The following MGA variants were observed in gnomAD, a reference collection of about 807,000 sequenced individuals.
MGA encodes the protein MAX dimerization protein MGA, also known as MAX gene-associated protein.
Under a neutral mutation model 261.1 loss-of-function variants are expected in MGA, and 40 were observed. The observed-to-expected ratio is 0.15, with a 90% CI of 0.12 to 0.20. The LOEUF (loss-of-function observed/expected upper bound fraction) is 0.20, where lower values mean the gene tolerates loss of function less well. MGA is among the 10% of genes least tolerant of loss of function. MGA has a pLI of 1.00. For missense variants in MGA, 3,397 were observed against 3,630.5 expected (o/e 0.94, Z 1.65); for synonymous variants, 1,302 against 1,290.6 (o/e 1.01, Z -0.19).
rs2062178110 is a variant in MGA, at chr15:41,742,549, C to G, written c.4589C>G (p.Ala1530Gly). ...ACCTGCAAATTTCTGTTTGCAGCGG[C>G]TCGACCCTCTCCTGGTGGTGTGTTC... The change falls in exon 15 of 24, where the codon GCT (alanine) becomes GGT (glycine). Residue 1530 changes from alanine (A) to glycine (G), a missense_variant. Ala to Gly is a moderately conservative substitution (Grantham distance 60). Coordinates refer to ENST00000219905, the MANE Select transcript of MGA (RefSeq NM_001164273.2). 1.2e-6 allele frequency: 2 copies of G among 1,611,070 alleles called. No individual in the cohort carries two copies. Among genetic ancestry groups the G allele is most frequent in the Non-Finnish European group, 1.7e-6 (2 of 1,178,210 alleles).
chr15:41,747,201 C>A (rs1243159875), intron 15 of MGA, among the ~76,000 whole-genome samples: 2 of 152,136 alleles, frequency 1.3e-5, no homozygotes, highest in Admixed American at 1.3e-4. Context: ...CTCTTAATTT[C>A]ATTCCATTTT....
intron 9 of MGA, among the ~76,000 whole-genome samples, chr15:41,715,927 A>G (rs2060611001): frequency 6.6e-6 from 1 of 152,210 alleles, no homozygotes; most frequent in African/African-American, 2.4e-5. Context: ...AACAAAAATA[A>G]AATACGGAAG....
intron 1 of MGA, among the ~76,000 whole-genome samples, chr15:41,639,023 G>C (rs1280938123): frequency 6.6e-6 from 1 of 151,734 alleles, no homozygotes; most frequent in East Asian, 1.9e-4. Flanking sequence ...TTTTTGATGG[G>C]GGTCTCACTG....
intron 1 of MGA, among the ~76,000 whole-genome samples, chr15:41,667,254 T>A (rs2057796085): frequency 6.8e-6 from 1 of 148,086 alleles, no homozygotes; most frequent in Non-Finnish European, 1.5e-5. Context: ...TGTATTTTTA[T>A]TTTTTTTTTT....
chr15:41,682,848 T>G (rs1309506063), intron 2 of MGA, among the ~76,000 whole-genome samples: 1 of 152,178 alleles, frequency 6.6e-6, no homozygotes, highest in Admixed American at 6.5e-5. Flanking sequence ...TTTGTTGTTT[T>G]GTGAAGTTCA....
chr15:41,707,579 G>A (rs2060186460), intron 5 of MGA, 149 bp from the exon 6 acceptor site: 1 of 702,150 alleles, frequency 1.4e-6, no homozygotes, highest in Non-Finnish European at 2.3e-6. Flanking sequence ...GCTACAGTTT[G>A]TTTTTTTCAT....
intron 9 of MGA, among the ~76,000 whole-genome samples, chr15:41,723,617 A>G (rs1439555552): frequency 6.6e-6 from 1 of 152,018 alleles, no homozygotes; most frequent in African/African-American, 2.4e-5. Context: ...GGGTCTTGCT[A>G]TGTTGCCCAG....
At chr15:41,753,945 TC>T (rs2062995914) in intron 17 of MGA, among the ~76,000 whole-genome samples, 1 of 152,180 alleles carries the variant, frequency 6.6e-6, no homozygotes, top group Non-Finnish European at 1.5e-5. Context: ...TTTGAGACAG[TC>T]TTACTCTTGT....
rs1195638745 is a variant in MGA, at chr15:41,740,211, G to A, written c.4585+8G>A. 6.2e-7 allele frequency: 1 copy of A among 1,613,158 alleles called. No homozygotes were observed. Among genetic ancestry groups the A allele is most frequent in the East Asian group, 2.2e-5 (1 of 44,892 alleles). The stretch of plus-strand genomic sequence containing the variant: ...CAGCAAAACGGCCAATTGGTAAGTT[G>A]GGGTGTATGTATGGTTTGGAAAGGC... On this transcript the variant is annotated splice_region_variant and intron_variant, in intron 14 of 23. Coordinates refer to ENST00000219905, the MANE Select transcript of MGA (RefSeq NM_001164273.2).
chr15:41,682,403 A>C (rs1178035822), intron 2 of MGA, among the ~76,000 whole-genome samples: 1 of 152,126 alleles, frequency 6.6e-6, no homozygotes, highest in Non-Finnish European at 1.5e-5. Flanking sequence ...GGCCCCTACC[A>C]AGCTGCCATC....
At chr15:41,762,014 A>T (rs1338156381) in intron 21 of MGA, 115 bp from the exon 22 acceptor site, 1 of 1,047,982 alleles carries the variant, frequency 9.5e-7, no homozygotes, top group Admixed American at 2.6e-5. Context: ...AATTGTAATC[A>T]CCTTACTTTC....
intron 14 of MGA, 137 bp from the exon 15 acceptor site, chr15:41,742,409 T>C: frequency 9.4e-7 from 1 of 1,064,506 alleles, no homozygotes; most frequent in Non-Finnish European, 1.3e-6. Flanking sequence ...AAAAAAGAAA[T>C]TGGCACAAAT....
At chr15:41,667,978 A>G (rs1267715649) in intron 1 of MGA, among the ~76,000 whole-genome samples, 2 of 151,538 alleles carry the variant, frequency 1.3e-5, no homozygotes, top group Admixed American at 6.6e-5. Context: ...TAATTTTTTA[A>G]TTTTTAATAG....
intron 9 of MGA, among the ~76,000 whole-genome samples, chr15:41,717,095 A>G (rs1487683684): frequency 1.3e-5 from 2 of 152,212 alleles, no homozygotes; most frequent in East Asian, 1.9e-4. Context: ...CTCCAAGGTC[A>G]TAAAGATACT....
In MGA at chr15:41,742,967, T is replaced by C. The variant is rs765920168; in HGVS notation, c.5007T>C (p.Pro1669=). Residue 1669 remains proline (P), a synonymous_variant, in exon 15 of 24, where the codon CCT becomes CCC. Coordinates refer to ENST00000219905, the MANE Select transcript of MGA (RefSeq NM_001164273.2). ...CCAAAACCACTGGGATAACTACCCC[T>C]GTGGCTTCAGTTGCTTTTCCTAAGT... is the stretch of plus-strand genomic sequence containing the variant. 1.1e-5 allele frequency: 18 copies of C among 1,614,006 alleles called. No homozygotes were observed. In the South Asian group the frequency reaches 2.0e-4, roughly 18 times the overall value.
intron 11 of MGA, among the ~76,000 whole-genome samples, chr15:41,732,366 T>C (rs1444365912): frequency 6.6e-6 from 1 of 152,144 alleles, no homozygotes; most frequent in Non-Finnish European, 1.5e-5. Context: ...GCCAGGGTGG[T>C]CTCAGTCTCC....
At chr15:41,646,782 C>A (rs1370671973) in intron 1 of MGA, among the ~76,000 whole-genome samples, 2 of 151,976 alleles carry the variant, frequency 1.3e-5, no homozygotes, top group Non-Finnish European at 2.9e-5. Flanking sequence ...ATTGAGATAT[C>A]ACCCCACTGT....
chr15:41,655,821 A>G (rs964574879), upstream of MGA, among the ~76,000 whole-genome samples: 2 of 152,240 alleles, frequency 1.3e-5, no homozygotes, highest in African/African-American at 4.8e-5. Context: ...CCTTTGGGAA[A>G]TGTTTGCCAA....
intron 3 of MGA, among the ~76,000 whole-genome samples, chr15:41,698,171 C>CTTTT (rs11442137): frequency 1.7e-5 from 2 of 115,984 alleles, no homozygotes; most frequent in Non-Finnish European, 1.7e-5. Context: ...CCCCTGGCCT[C>CTTTT]TTTTTTTTTT....
Sources: gnomAD v4.1 joint callset for allele counts (sites outside exome capture counted in the v4.1 genomes callset) on GRCh38, gnomAD v4.1.1 for gene constraint, MANE v1.5 for transcripts, NCBI Gene and HGNC (gene_info 2026-07-23, HGNC 2026-07-21) for gene names.